Variants in SRCIN1 observed in about 807,000 individuals in gnomAD.
SRCIN1 encodes P130Cas-associated protein.
In SRCIN1, 50 loss-of-function variants were observed where a neutral mutation model predicts 116.2. The ratio of observed to expected loss-of-function variants is 0.43; its 90% CI spans 0.34 to 0.54. The LOEUF is 0.54. SRCIN1 is among the 20% of genes least tolerant of loss of function. The pLI, the probability that SRCIN1 is intolerant of heterozygous loss-of-function variation, is 0.02. For synonymous variants in SRCIN1, 736 were observed against 750.0 expected, an observed-to-expected ratio of 0.98 and a Z score of 0.30; for missense variants, 1,446 against 1,672.0, an observed-to-expected ratio of 0.86 and a Z score of 2.36.
At chr17:38,533,693 G>A (rs2040958285) in intron 18 of SRCIN1, among the ~76,000 whole-genome samples, 1 of 140,210 alleles carries the variant, frequency 7.1e-6, no homozygotes, top group Non-Finnish European at 1.5e-5. Context: ...AGAGCAGAGA[G>A]AGAAGCAGAG....
chr17:38,564,520 G>T (rs554244630), intron 3 of SRCIN1, among the ~76,000 whole-genome samples: 3 of 152,018 alleles, frequency 2.0e-5, no homozygotes, highest in Non-Finnish European at 4.4e-5. Context: ...TGGGACACCC[G>T]GCAGGTAAGG....
chr17:38,570,589 C>A (rs1907018633), intron 2 of SRCIN1, among the ~76,000 whole-genome samples: 2 of 152,240 alleles, frequency 1.3e-5, no homozygotes, highest in South Asian at 4.1e-4. Flanking sequence ...CTGTCCCCCA[C>A]CCTGCCACCA....
chr17:38,582,959 G>C (rs2143348875), intron 1 of SRCIN1, among the ~76,000 whole-genome samples: 1 of 152,268 alleles, frequency 6.6e-6, no homozygotes, highest in South Asian at 2.1e-4. Context: ...ATTCAGGCAT[G>C]ATTTTAACTC....
rs746192020 is a variant in SRCIN1 at position 38,604,490 on chromosome 17, C to T, written c.22+1194G>A. On this transcript the variant is annotated intron_variant, in intron 1 of 18. Coordinates refer to ENST00000617146, the MANE Select transcript of SRCIN1 (RefSeq NM_025248.3). This position sits in a 1 kb window ranked among gnomAD's most constrained non-coding sequence, Gnocchi z 4.3. ...CCGCGCCTGCTCACCTGGCTCCCCT[C>T]GGCCCCCAGGGTCCCTCGGTCCAGC... is the stretch of plus-strand genomic sequence containing the variant. The T allele has an allele frequency of 6.6e-6, 3 of 454,386 alleles. No individual in the cohort carries two copies. The highest frequency in any genetic ancestry group is 1.3e-5 in the Non-Finnish European group (3 of 225,990). 28.1% of individuals were successfully genotyped at this position (454,386 alleles called of 1,614,324 possible).
At chr17:38,566,218 G>C (rs1906672505) in intron 3 of SRCIN1, among the ~76,000 whole-genome samples, 1 of 152,130 alleles carries the variant, frequency 6.6e-6, no homozygotes, top group Non-Finnish European at 1.5e-5. Context: ...CCAAATGAAG[G>C]GAGGCAGGGC....
intron 18 of SRCIN1, among the ~76,000 whole-genome samples, chr17:38,535,362 C>T (rs2040987143): frequency 6.6e-6 from 1 of 152,028 alleles, no homozygotes; most frequent in Admixed American, 6.6e-5. Flanking sequence ...GCATGCGCCA[C>T]CACGCCCGGC....
intron 11 of SRCIN1, among the ~76,000 whole-genome samples, chr17:38,554,122 A>G (rs1163755721): frequency 6.6e-6 from 1 of 151,820 alleles, no homozygotes; most frequent in Non-Finnish European, 1.5e-5. Context: ...GAGGCAGGAG[A>G]ATCGCTTGAA....
chr17:38,588,220 A>G (rs1908237281), intron 1 of SRCIN1, among the ~76,000 whole-genome samples: 2 of 152,170 alleles, frequency 1.3e-5, no homozygotes, highest in Non-Finnish European at 2.9e-5. Context: ...GAGTTGTATC[A>G]GACCCAGGAC....
At chr17:38,591,503 G>A (rs1182232496) in intron 1 of SRCIN1, among the ~76,000 whole-genome samples, 2 of 152,332 alleles carry the variant, frequency 1.3e-5, no homozygotes, top group Admixed American at 1.3e-4. Context: ...GATGAGGTAT[G>A]AGCAGCACAG....
At chr17:38,540,451 A>G (rs1366287340) in intron 18 of SRCIN1, among the ~76,000 whole-genome samples, 1 of 150,326 alleles carries the variant, frequency 6.7e-6, no homozygotes, top group Non-Finnish European at 1.5e-5. Flanking sequence ...TGGTGTTCCA[A>G]GCTCTCTCCT....
intron 1 of SRCIN1, among the ~76,000 whole-genome samples, chr17:38,590,790 T>C (rs1879821458): frequency 6.6e-6 from 1 of 152,192 alleles, no homozygotes; most frequent in Non-Finnish European, 1.5e-5. Flanking sequence ...CTGTTGCCCC[T>C]GAGGAAGATG....
At chr17:38,596,476 G>C (rs1320729459) in intron 1 of SRCIN1, among the ~76,000 whole-genome samples, 1 of 152,142 alleles carries the variant, frequency 6.6e-6, no homozygotes, top group African/African-American at 2.4e-5. Context: ...TCCCAGGACA[G>C]ACAGCCAACA....
rs1046422594 is a variant in SRCIN1 at position 38,604,492 on chromosome 17, G to A, written c.22+1192C>T. ...GCGCCTGCTCACCTGGCTCCCCTCG[G>A]CCCCCAGGGTCCCTCGGTCCAGCCT... is the stretch of plus-strand genomic sequence containing the variant. On this transcript the variant is annotated intron_variant, in intron 1 of 18. Coordinates refer to ENST00000617146, the MANE Select transcript of SRCIN1 (RefSeq NM_025248.3). This position sits in a 1 kb window ranked among gnomAD's most constrained non-coding sequence, Gnocchi z 4.3. The A allele has an allele frequency of 4.4e-6, 2 of 453,916 alleles. No homozygotes were observed. Among genetic ancestry groups the A allele is most frequent in the Admixed American group, 2.4e-5 (1 of 42,332 alleles). The allele number at this position is 453,916 out of a possible 1,614,324, so 28.1% of individuals were successfully genotyped here.
intron 2 of SRCIN1, among the ~76,000 whole-genome samples, chr17:38,577,796 G>C (rs1025110705): frequency 6.6e-6 from 1 of 152,154 alleles, no homozygotes; most frequent in Non-Finnish European, 1.5e-5. Context: ...GGTTTAAAAA[G>C]GAACCATCCC....
intron 15 of SRCIN1, among the ~76,000 whole-genome samples, chr17:38,549,667 C>G (rs1348531887): frequency 6.6e-6 from 1 of 152,228 alleles, no homozygotes. Context: ...TCCCACTGGG[C>G]TCTCCTCTCC....
chr17:38,542,090 G>C (rs1000982765), intron 18 of SRCIN1: 3 of 151,986 alleles, frequency 2.0e-5, no homozygotes, highest in Non-Finnish European at 4.4e-5. Flanking sequence ...CAGAGCAGTG[G>C]GGGAGGGGGG....
At chr17:38,586,990 G>A (rs574544699) in intron 1 of SRCIN1, among the ~76,000 whole-genome samples, 9 of 152,010 alleles carry the variant, frequency 5.9e-5, no homozygotes, top group East Asian at 3.9e-4. Flanking sequence ...AGCTCCCTGC[G>A]GGTGGGCACC....
chr17:38,561,432 C>A lies in SRCIN1; in HGVS notation c.1700+31G>T, dbSNP rs1465586125. The A allele has an allele frequency of 2.0e-6, 3 of 1,479,802 alleles. No homozygotes were observed. In the Admixed American group the frequency reaches 6.7e-5, roughly 33 times the overall value. 91.7% of individuals were successfully genotyped at this position (1,479,802 alleles called of 1,614,324 possible). ...CTCTCCGCAGCGCACCCCCCACCCC[C>A]AGTCCCTGAGGCCTGGTTAACGTCC... On this transcript the variant is annotated intron_variant, in intron 7 of 18. Coordinates refer to ENST00000617146, the MANE Select transcript of SRCIN1 (RefSeq NM_025248.3).
intron 1 of SRCIN1, among the ~76,000 whole-genome samples, chr17:38,599,964 C>A (rs1567887481): frequency 6.6e-6 from 1 of 152,276 alleles, no homozygotes; most frequent in East Asian, 1.9e-4. Context: ...GTCCCCTATC[C>A]CCTCATAATT....
Sources: allele counts gnomAD v4.1 joint callset (sites outside exome capture counted in the v4.1 genomes callset), GRCh38; gene constraint gnomAD v4.1.1; non-coding constraint Gnocchi (gnomAD v3.1); transcripts MANE v1.5; gene names NCBI Gene and HGNC (gene_info 2026-07-23, HGNC 2026-07-21).